The following MAD1L1 variants were observed in gnomAD, a reference collection of about 807,000 sequenced individuals.
MAD1L1 encodes the protein mitotic spindle assembly checkpoint protein MAD1.
A neutral mutation model predicts 96.9 loss-of-function variants in MAD1L1; 95 were observed. That is an observed-to-expected ratio of 0.98 (90% confidence interval 0.83 to 1.16). The LOEUF (loss-of-function observed/expected upper bound fraction) is 1.16. Among genes scored for constraint, MAD1L1 ranks in the 50% most tolerant of loss-of-function variants. The pLI is 0.00. For synonymous variants in MAD1L1, 473 were observed against 396.6 expected (o/e 1.19, Z -2.29); for missense variants, 1,007 against 954.4 (o/e 1.06, Z -0.73).
intron 16 of MAD1L1, among the ~76,000 whole-genome samples, chr7:1,953,445 C>T (rs992534552): frequency 1.3e-5 from 2 of 152,206 alleles, no homozygotes; most frequent in Non-Finnish European, 2.9e-5. Context: ...CACTGGGGGG[C>T]TCCACCAGCC....
At chr7:1,896,010 AC>A (rs774081352) in intron 18 of MAD1L1, among the ~76,000 whole-genome samples, 108 of 152,272 alleles carry the variant, frequency 7.1e-4, no homozygotes, top group Non-Finnish European at 1.3e-3. Context: ...CCCAGGCCAG[AC>A]CCCTGCAGGA....
intron 14 of MAD1L1, among the ~76,000 whole-genome samples, chr7:1,985,188 G>A (rs1461122416): frequency 3.9e-5 from 6 of 152,322 alleles, no homozygotes; most frequent in East Asian, 3.9e-4. Flanking sequence ...CTCAGCAGAC[G>A]GCCCCGGGCA....
At chr7:1,870,014 G>A (rs1333812601) in intron 18 of MAD1L1, among the ~76,000 whole-genome samples, 2 of 152,200 alleles carry the variant, frequency 1.3e-5, no homozygotes, top group East Asian at 3.8e-4. Context: ...CCAACCCGGA[G>A]TCCACATTGG....
intron 10 of MAD1L1, among the ~76,000 whole-genome samples, chr7:2,155,272 G>T (rs1016783077): frequency 1.3e-5 from 2 of 152,206 alleles, no homozygotes; most frequent in Admixed American, 1.3e-4. Context: ...GGCCACGGTG[G>T]CATCCTGCCA....
In MAD1L1 at chr7:2,103,215, T is replaced by C. The variant is rs1342640552; in HGVS notation, c.1074-33877A>G. On this transcript the variant is annotated intron_variant, in intron 11 of 18. Transcript: ENST00000265854. The surrounding 1 kb of genome is among the most constrained non-coding windows in gnomAD (Gnocchi z 4.3). ...ACCACGCTTCAGCTCTCAGCCCACA[T>C]GGTGTGTCCAGAGGGAGGCCGTCCA... 6.6e-6 allele frequency among the ~76,000 whole-genome samples: 1 copy of C among 152,040 alleles called. No homozygotes were observed. Among genetic ancestry groups the C allele is most frequent in the Non-Finnish European group, 1.5e-5 (1 of 67,998 alleles).
chr7:2,231,825 C>T (rs1794206968), intron 1 of MAD1L1, among the ~76,000 whole-genome samples: 1 of 152,020 alleles, frequency 6.6e-6, no homozygotes, highest in African/African-American at 2.4e-5. Context: ...ACTTCAGTTT[C>T]CTCATCTGTA....
At chr7:2,161,368 C>T (rs1470738930) in intron 10 of MAD1L1, among the ~76,000 whole-genome samples, 3 of 152,000 alleles carry the variant, frequency 2.0e-5, no homozygotes, top group Non-Finnish European at 4.4e-5. Context: ...CGGCCTCCCG[C>T]GGTGCCGGGA....
intron 17 of MAD1L1, among the ~76,000 whole-genome samples, chr7:1,924,807 C>A (rs1789002000): frequency 1.3e-5 from 2 of 152,108 alleles, no homozygotes; most frequent in South Asian, 4.1e-4. Context: ...CATAGGACTA[C>A]TACAACATAA....
At chr7:2,213,126 G>A (rs1793069573) in intron 10 of MAD1L1, 86 bp downstream of exon 10, 1 of 1,408,500 alleles carries the variant, frequency 7.1e-7, no homozygotes, top group Non-Finnish European at 1.0e-6. Flanking sequence ...GCTGGAGACT[G>A]CGCTGGTGAG....
chr7:2,006,463 C>T (rs1412884071), intron 13 of MAD1L1, among the ~76,000 whole-genome samples: 2 of 152,098 alleles, frequency 1.3e-5, no homozygotes, highest in South Asian at 2.1e-4. Context: ...ATTTGGCAAA[C>T]GTCCACTCCT....
chr7:1,846,277 G>A (rs1219166513), intron 18 of MAD1L1: 1 of 152,614 alleles, frequency 6.6e-6, no homozygotes, highest in Non-Finnish European at 1.5e-5. Context: ...GACAGCTCCT[G>A]GGCCTGGAAC....
chr7:1,874,668 G>T lies in MAD1L1; in HGVS notation c.1998+23532C>A, dbSNP rs1225747516. Reference sequence around the variant, plus strand: ...TTGACCCAGGAGGGAAAAGCAGCTCGCAGCACACCACCTGCTACCTGCTCG... The same window carrying T: ...TTGACCCAGGAGGGAAAAGCAGCTCTCAGCACACCACCTGCTACCTGCTCG... On this transcript the variant is annotated intron_variant, in intron 18 of 18. Coordinates refer to ENST00000265854, the MANE Select transcript of MAD1L1 (RefSeq NM_001013836.2). 1.0e-5 allele frequency: 4 copies of T among 388,804 alleles called. 1 individual carries two copies. Among genetic ancestry groups the T allele is most frequent in the South Asian group, 7.8e-5 (4 of 51,524 alleles). The allele number at this position is 388,804 out of a possible 1,614,324, so 24.1% of individuals were successfully genotyped here.
intron 11 of MAD1L1, among the ~76,000 whole-genome samples, chr7:2,135,604 G>A (rs1206635624): frequency 6.6e-6 from 1 of 152,222 alleles, no homozygotes; most frequent in Non-Finnish European, 1.5e-5. Flanking sequence ...ACAAGTGAGG[G>A]CAATGCTGGT....
Position 1,908,052 on chromosome 7 carries a change from C to T in MAD1L1, c.1808-9662G>A, listed in dbSNP as rs78026447. On this transcript the variant is annotated intron_variant, in intron 17 of 18. Coordinates refer to ENST00000265854, the MANE Select transcript of MAD1L1 (RefSeq NM_001013836.2). ...GAAGGCTCTTAGCAGACATGGGTGA[C>T]CAGACAGTACGTTTGCCCACACACG... Among the ~76,000 whole-genome samples the T allele has an allele frequency of 9.8e-5, 15 of 152,322 alleles. No homozygotes were observed. In the East Asian group the frequency reaches 2.3e-3, roughly 23 times the overall value.
At chr7:1,924,842 C>T (rs1282088448) in intron 17 of MAD1L1, among the ~76,000 whole-genome samples, 2 of 152,046 alleles carry the variant, frequency 1.3e-5, no homozygotes, top group Admixed American at 6.6e-5. Flanking sequence ...AAGCCTACGT[C>T]GTGGTGAAAT....
chr7:2,032,716 C>T (rs755731132), intron 12 of MAD1L1, among the ~76,000 whole-genome samples: 7 of 152,188 alleles, frequency 4.6e-5, no homozygotes, highest in Non-Finnish European at 1.0e-4. Context: ...TTTGAATTCG[C>T]GCCCAGGGCT....
chr7:1,955,575 G>A lies in MAD1L1; in HGVS notation c.1596+2054C>T, dbSNP rs561709203. On this transcript the variant is annotated intron_variant, in intron 16 of 18. Transcript: ENST00000265854. ...CAAAGTACTGGGATTACAGGCGTGA[G>A]CCACCATGCCCAGCCAAAAGAGAGA... 1.9e-4 allele frequency among the ~76,000 whole-genome samples: 29 copies of A among 152,294 alleles called. No individual in the cohort carries two copies. In the South Asian group the frequency reaches 6.0e-3, roughly 32 times the overall value.
chr7:2,220,778 A>G, intron 5 of MAD1L1: 1 of 1,177,488 alleles, frequency 8.5e-7, no homozygotes, highest in Non-Finnish European at 1.2e-6. Context: ...ACTTCACCAC[A>G]ACAGTGAAGC....
chr7:1,871,628 C>CGCCG (rs1785107528), intron 18 of MAD1L1, among the ~76,000 whole-genome samples: 5 of 149,978 alleles, frequency 3.3e-5, no homozygotes, highest in Admixed American at 6.6e-5. Context: ...ACGCCTGCCA[C>CGCCG]ACTGAACCCA....
Sources: allele counts gnomAD v4.1 joint callset (sites outside exome capture counted in the v4.1 genomes callset), GRCh38; gene constraint gnomAD v4.1.1; non-coding constraint Gnocchi (gnomAD v3.1); transcripts MANE v1.5; gene names NCBI Gene and HGNC (gene_info 2026-07-23, HGNC 2026-07-21).